Variants in TIMM23B observed in about 807,000 individuals in gnomAD.
TIMM23B encodes mitochondrial import inner membrane translocase subunit Tim23B.
TIMM23B carries 27 observed loss-of-function variants against 27.3 expected under a neutral mutation model. The ratio of observed to expected loss-of-function variants is 0.99; its 90% CI spans 0.73 to 1.36. TIMM23B has a LOEUF of 1.36. Ranked by LOEUF, TIMM23B falls within the 40% of genes most tolerant of loss-of-function variation. The pLI, the probability that TIMM23B is intolerant of heterozygous loss-of-function variation, is 0.00. For missense variants in TIMM23B, 205 were observed against 244.2 expected, an observed-to-expected ratio of 0.84 and a Z score of 1.07; for synonymous variants, 73 against 92.4, an observed-to-expected ratio of 0.79 and a Z score of 1.21.
At chr10:49,946,841 A>T (rs1347933378) in intron 2 of TIMM23B, among the ~76,000 whole-genome samples, 2 of 150,128 alleles carry the variant, frequency 1.3e-5, no homozygotes, top group African/African-American at 4.9e-5. Context: ...AATTCAGGGG[A>T]CATAGAATGG....
rs377145359 is a variant in TIMM23B at position 49,974,562 on chromosome 10, A to G, written c.*1498A>G. 8 of 151,844 alleles carry G rather than the reference A, an allele frequency of 5.3e-5. No individual in the cohort carries two copies. The East Asian group carries it at 5.8e-4, about 11-fold the overall frequency. 9.4% of individuals were successfully genotyped at this position (151,844 alleles called of 1,614,324 possible). A position where few individuals can be genotyped will look rare whatever the true frequency, so the allele number is the denominator to read the frequency against. The stretch of plus-strand genomic sequence containing the variant: ...CTACTAATAAGTTTTTTAAAAAATT[A>G]TGTAATGTGTGTATATACAAATACC... On this transcript the variant is annotated 3_prime_UTR_variant, in exon 7 of 7. Coordinates refer to ENST00000651259, the MANE Select transcript of TIMM23B (RefSeq NM_001290117.2).
intron 2 of TIMM23B, among the ~76,000 whole-genome samples, chr10:49,947,492 C>T (rs1459244187): frequency 6.6e-6 from 1 of 151,850 alleles, no homozygotes; most frequent in African/African-American, 2.4e-5. Context: ...GCCTGTAATC[C>T]CAGCTACTTG....
At chr10:49,947,334 G>A (rs1430640047) in intron 2 of TIMM23B, among the ~76,000 whole-genome samples, 1 of 152,206 alleles carries the variant, frequency 6.6e-6, no homozygotes, top group Non-Finnish European at 1.5e-5. Context: ...GAGGCCAGGT[G>A]CAGTGGCTCA....
At chr10:49,959,492 A>T (rs1285931640) in intron 6 of TIMM23B, among the ~76,000 whole-genome samples, 1 of 152,170 alleles carries the variant, frequency 6.6e-6, no homozygotes, top group African/African-American at 2.4e-5. Flanking sequence ...AGTAATGCCT[A>T]ATTTAGCTTT....
At chr10:49,954,139 T>C (rs1839631454) in intron 4 of TIMM23B, 1 of 159,134 alleles carries the variant, frequency 6.3e-6, no homozygotes, top group African/African-American at 2.4e-5. Context: ...TTTGTTTCTG[T>C]AGAACGTTAA....
Position 49,942,091 on chromosome 10 carries a change from G to A in TIMM23B, c.-104G>A. ...GCCCGGAATGTCAGCGTGTGAAGTA[G>A]GCGCTGGCAACGCGGGGTTACCCGC... On this transcript the variant is annotated 5_prime_UTR_variant, in exon 1 of 7. Transcript: ENST00000651259. 16 of 1,367,332 alleles carry A rather than the reference G, an allele frequency of 1.2e-5. No individual in the cohort carries two copies. The highest frequency in any genetic ancestry group is 1.5e-5 in the Non-Finnish European group (15 of 1,014,088). 84.7% of individuals were successfully genotyped at this position (1,367,332 alleles called of 1,614,324 possible).
At chr10:49,958,705 T>G (rs2133079188) in intron 6 of TIMM23B, among the ~76,000 whole-genome samples, 1 of 152,326 alleles carries the variant, frequency 6.6e-6, no homozygotes, top group South Asian at 2.1e-4. Flanking sequence ...CATGATTATA[T>G]AACCAATCTC....
chr10:49,971,592 C>T (rs1328635182), intron 6 of TIMM23B, among the ~76,000 whole-genome samples: 6 of 152,144 alleles, frequency 3.9e-5, no homozygotes, highest in African/African-American at 1.4e-4. Flanking sequence ...TTTCAGTGTG[C>T]TGTGTCATTT....
At chr10:49,946,742 T>C (rs1839366585) in intron 2 of TIMM23B, among the ~76,000 whole-genome samples, 1 of 149,616 alleles carries the variant, frequency 6.7e-6, no homozygotes, top group Non-Finnish European at 1.5e-5. Context: ...CTCACCAAAT[T>C]AACCAACAGA....
In TIMM23B at chr10:49,954,980, C is replaced by A. The variant is rs1165105429; in HGVS notation, c.345-22C>A. On this transcript the variant is annotated intron_variant, in intron 4 of 6. Coordinates refer to ENST00000651259, the MANE Select transcript of TIMM23B (RefSeq NM_001290117.2). ...GAAATAATGATTCTAAATACAGATT[C>A]TTTCTCTTTCTGCCCTGATAGGATT... 26 of 1,611,808 alleles carry A rather than the reference C, an allele frequency of 1.6e-5. No homozygotes were observed. In the East Asian group the frequency reaches 4.9e-4, roughly 30 times the overall value.
intron 6 of TIMM23B, among the ~76,000 whole-genome samples, chr10:49,960,734 A>G (rs1368816714): frequency 1.3e-5 from 2 of 151,914 alleles, no homozygotes; most frequent in Non-Finnish European, 2.9e-5. Flanking sequence ...AAATCAGGAA[A>G]ATTTCTAGAA....
At chr10:49,944,171 G>C (rs1839281561) in intron 1 of TIMM23B, among the ~76,000 whole-genome samples, 1 of 152,156 alleles carries the variant, frequency 6.6e-6, no homozygotes, top group South Asian at 2.1e-4. Context: ...AAGGAGTTTC[G>C]ATTTTCTTAA....
In TIMM23B at chr10:49,942,145, C is replaced by A; in HGVS notation, c.-50C>A. ...TATTGAGGAGTAACGGCCCAGCGGA[C>A]CACCCAGGCTTGAGGCAGCGGCGGG... On this transcript the variant is annotated 5_prime_UTR_variant, in exon 1 of 7. Coordinates refer to ENST00000651259, the MANE Select transcript of TIMM23B (RefSeq NM_001290117.2). 2 of 1,550,612 alleles carry A rather than the reference C, an allele frequency of 1.3e-6. No individual in the cohort carries two copies. The highest frequency in any genetic ancestry group is 2.4e-5 in the East Asian group (1 of 41,928).
In TIMM23B at chr10:49,945,713, G is replaced by A. The variant is rs1466172649; in HGVS notation, c.165+623G>A. Among the ~76,000 whole-genome samples, 12 of 152,216 alleles carry A rather than the reference G, an allele frequency of 7.9e-5. No homozygotes were observed. In the South Asian group the frequency reaches 1.5e-3, roughly 18 times the overall value. ...ATCTTTTTGAATCCAAGATATATTA[G>A]CAAATATATCTTGGGTATATTAGAA... On this transcript the variant is annotated intron_variant, in intron 2 of 6. Coordinates refer to ENST00000651259, the MANE Select transcript of TIMM23B (RefSeq NM_001290117.2).
chr10:49,950,788 C>T (rs1451737569), intron 2 of TIMM23B, among the ~76,000 whole-genome samples: 2 of 152,212 alleles, frequency 1.3e-5, no homozygotes, highest in South Asian at 4.1e-4. Context: ...GCAGTCCACC[C>T]GACTCGGCTT....
chr10:49,962,086 C>T (rs1311365431), intron 6 of TIMM23B, among the ~76,000 whole-genome samples: 3 of 151,168 alleles, frequency 2.0e-5, no homozygotes, highest in African/African-American at 4.9e-5. Flanking sequence ...TGTAGACTCT[C>T]GTTAGGAGAA....
At position 49,955,082 on chromosome 10, in the gene TIMM23B, T is replaced by A. The variant is rs1455395492; in HGVS notation, c.403+22T>A. On this transcript the variant is annotated intron_variant, in intron 5 of 6. Coordinates refer to ENST00000651259, the MANE Select transcript of TIMM23B (RefSeq NM_001290117.2). Reference sequence around the variant, plus strand: ...CTGGGTAAGTAGAGATCTCGTTTGATAATAAATTGTTAACTTAAAGAAAGA... The same window carrying A: ...CTGGGTAAGTAGAGATCTCGTTTGAAAATAAATTGTTAACTTAAAGAAAGA... The A allele has an allele frequency of 2.2e-5, 36 of 1,609,482 alleles. No individual in the cohort carries two copies. In the South Asian group the frequency reaches 3.2e-4, roughly 14 times the overall value.
At chr10:49,954,907 G>A (rs1187977095) in intron 4 of TIMM23B, 95 bp from the exon 5 acceptor site, 1 of 1,419,466 alleles carries the variant, frequency 7.0e-7, no homozygotes. Context: ...TTTGCGCCCT[G>A]GGTCTAGACA....
At chr10:49,950,300 C>G (rs1211785802) in intron 2 of TIMM23B, among the ~76,000 whole-genome samples, 1 of 143,630 alleles carries the variant, frequency 7.0e-6, no homozygotes, top group Non-Finnish European at 1.5e-5. Context: ...TTTAGTAATA[C>G]TAGTGTCCTG....
Sources: allele counts gnomAD v4.1 joint callset (sites outside exome capture counted in the v4.1 genomes callset), GRCh38; gene constraint gnomAD v4.1.1; transcripts MANE v1.5; gene names NCBI Gene and HGNC (gene_info 2026-07-23, HGNC 2026-07-21).